Variants in ASIC4 observed in about 807,000 individuals in gnomAD.
ASIC4 encodes the protein acid sensing ion channel subunit family member 4.
Under a neutral mutation model 53.4 loss-of-function variants are expected in ASIC4, and 28 were observed. The observed-to-expected ratio is 0.52, with a 90% CI of 0.39 to 0.72. The LOEUF (loss-of-function observed/expected upper bound fraction) is 0.72, where lower values mean the gene tolerates loss of function less well. Ranked by LOEUF, ASIC4 falls within the 30% of genes least tolerant of loss-of-function variation. The pLI, the probability that ASIC4 is intolerant of heterozygous loss-of-function variation, is 0.00. For missense variants in ASIC4, 649 were observed against 729.7 expected (o/e 0.89, Z 1.27); for synonymous variants, 289 against 301.4 (o/e 0.96, Z 0.43).
At chr2:219,509,851 A>C (rs928587802), upstream of ASIC4, among the ~76,000 whole-genome samples, 2 of 151,924 alleles carry the variant, frequency 1.3e-5, no homozygotes, top group African/African-American at 4.8e-5. The surrounding 1 kb of genome is among the most constrained non-coding windows in gnomAD (Gnocchi z 5.2). Context: ...TCCACTGGCC[A>C]CCTCAAGGGG....
At chr2:219,527,461 C>T (rs777387281) in intron 1 of ASIC4, among the ~76,000 whole-genome samples, 20 of 152,174 alleles carry the variant, frequency 1.3e-4, no homozygotes, top group Non-Finnish European at 2.2e-4. Context: ...AGGGTGGGCT[C>T]GGTTCCATGT....
upstream of ASIC4, chr2:219,514,360 C>G: frequency 6.5e-7 from 1 of 1,547,164 alleles, no homozygotes; most frequent in East Asian, 2.4e-5. Flanking sequence ...AGCGGAGCGG[C>G]TGGGGCTGCG....
intron 1 of ASIC4, among the ~76,000 whole-genome samples, chr2:219,525,978 A>C (rs1393274649): frequency 6.6e-6 from 1 of 152,182 alleles, no homozygotes. Flanking sequence ...GCCCAGGCCG[A>C]AGATTAGCTC....
chr2:219,508,806 T>C, the ASIC4 span, among the ~76,000 whole-genome samples: 161 of 11,668 alleles, frequency 0.014, no homozygotes, highest in African/African-American at 0.051. Context: ...GGGTGGGAAG[T>C]GGGGGATGAG....
chr2:219,509,670 G>C (rs1694674688), upstream of ASIC4, among the ~76,000 whole-genome samples: 3 of 152,198 alleles, frequency 2.0e-5, no homozygotes, highest in Non-Finnish European at 2.9e-5. This position sits in a 1 kb window ranked among gnomAD's most constrained non-coding sequence, Gnocchi z 5.2. Context: ...AGGAGGGCAG[G>C]GGGTGGTGAG....
rs1428354384 is a variant in ASIC4, at chr2:219,537,802, G to T, written c.1506+66G>T. ...CTCCCCAGGACTGAATACATCCATT[G>T]TTTCTGAACCAGCCTGTGGAGGGGG... is the stretch of plus-strand genomic sequence containing the variant. On this transcript the variant is annotated intron_variant, in intron 9 of 9. Transcript: ENST00000358078. This position sits in a 1 kb window ranked among gnomAD's most constrained non-coding sequence, Gnocchi z 4.9. The T allele has an allele frequency of 1.5e-5, 23 of 1,542,420 alleles. No homozygotes were observed. Among genetic ancestry groups the T allele is most frequent in the Non-Finnish European group, 1.7e-5 (19 of 1,132,688 alleles).
chr2:219,522,394 G>A (rs1242514492), intron 1 of ASIC4, among the ~76,000 whole-genome samples: 1 of 151,336 alleles, frequency 6.6e-6, no homozygotes, highest in Non-Finnish European at 1.5e-5. Context: ...GGAGGGTGGG[G>A]TGGGGGCTGG....
chr2:219,525,650 G>A lies in ASIC4; in HGVS notation c.583-6108G>A, dbSNP rs2069322. Among the ~76,000 whole-genome samples the A allele has an allele frequency of 7.5e-3, 1,137 of 152,314 alleles. 20 individuals carry two copies. Among genetic ancestry groups the A allele is most frequent in the African/African-American group, 0.025 (1,057 of 41,552 alleles). ...TGGTTGGTGCCATCTTCCTTCCTCT[G>A]CACCTGGAAAGGATAGGGAAGGAAG... On this transcript the variant is annotated intron_variant, in intron 1 of 9. Coordinates refer to ENST00000358078, the MANE Select transcript of ASIC4 (RefSeq NM_018674.6).
chr2:219,514,400 GCTCA>G (rs773444387), upstream of ASIC4: 776 of 1,548,412 alleles, frequency 5.0e-4, 1 homozygote, highest in Admixed American at 1.1e-3. Context: ...TCGCTCCCTC[GCTCA>G]CTCGCTCGCT....
At chr2:219,511,764 G>C (rs749484891), upstream of ASIC4, among the ~76,000 whole-genome samples, 127 of 152,188 alleles carry the variant, frequency 8.3e-4, no homozygotes, top group South Asian at 1.5e-3. The surrounding 1 kb of genome is among the most constrained non-coding windows in gnomAD (Gnocchi z 5.3). Flanking sequence ...GGGCCGGGGT[G>C]GGGGTGGGGA....
chr2:219,528,246 C>T (rs1694988593), intron 1 of ASIC4, among the ~76,000 whole-genome samples: 1 of 152,204 alleles, frequency 6.6e-6, no homozygotes, highest in Admixed American at 6.5e-5. Context: ...TTTTTTGAGA[C>T]AGAGTCCTGC....
chr2:219,531,914 G>A lies in ASIC4; in HGVS notation c.727+12G>A, dbSNP rs372516154. 3.5e-5 allele frequency: 57 copies of A among 1,610,938 alleles called. No homozygotes were observed. Among genetic ancestry groups the A allele is most frequent in the African/African-American group, 4.0e-5 (3 of 74,892 alleles). On this transcript the variant is annotated intron_variant, in intron 2 of 9. Coordinates refer to ENST00000358078, the MANE Select transcript of ASIC4 (RefSeq NM_018674.6). ...CTGGAGGGAGACAAGTACGCAGGCC[G>A]GAAAGGGACAAGGGCCACCTTGGGG...
chr2:219,521,341 G>A (rs1245550491), intron 1 of ASIC4, among the ~76,000 whole-genome samples: 2 of 152,234 alleles, frequency 1.3e-5, no homozygotes, highest in Non-Finnish European at 2.9e-5. Flanking sequence ...GGAAGATGCT[G>A]ATTAGCGTTT....
At position 219,518,937 on chromosome 2, in the gene ASIC4, G is replaced by C. The variant is rs970003476; in HGVS notation, c.582+3631G>C. On this transcript the variant is annotated intron_variant, in intron 1 of 9. Transcript: ENST00000358078. This position sits in a 1 kb window ranked among gnomAD's most constrained non-coding sequence, Gnocchi z 4.8. Reference sequence around the variant, plus strand: ...GTTTGTTTTTTTGAGACAGAGTCTCGTTGTTGCCCAGGCTGGAGTGCAGCG... The same window carrying C: ...GTTTGTTTTTTTGAGACAGAGTCTCCTTGTTGCCCAGGCTGGAGTGCAGCG... 6.6e-6 allele frequency among the ~76,000 whole-genome samples: 1 copy of C among 152,110 alleles called. No individual in the cohort carries two copies. The highest frequency in any genetic ancestry group is 6.6e-5 in the Admixed American group (1 of 15,264).
At chr2:219,527,587 A>AT (rs1694980338) in intron 1 of ASIC4, among the ~76,000 whole-genome samples, 1 of 152,138 alleles carries the variant, frequency 6.6e-6, no homozygotes, top group Non-Finnish European at 1.5e-5. Flanking sequence ...CAGGTGTTCT[A>AT]TAAGCACCTA....
intron 5 of ASIC4, chr2:219,533,667 A>G (rs1415533687): frequency 6.5e-6 from 1 of 153,454 alleles, no homozygotes; most frequent in Non-Finnish European, 1.5e-5. Context: ...GGCCAGAAAG[A>G]GCATGCTGTG....
the ASIC4 span, among the ~76,000 whole-genome samples, chr2:219,508,167 T>G: frequency 8.5e-5 from 13 of 152,236 alleles, 1 homozygote; most frequent in Middle Eastern, 0.014. Flanking sequence ...GTCCCCACTC[T>G]GGGCTGGGGT....
chr2:219,537,826 GGCCCTGGAGCCTCT>G lies in ASIC4; in HGVS notation c.1506+95_1507-89del. ...TGTTTCTGAACCAGCCTGTGGAGGG[GGCCCTGGAGCCTCT>G]GCCCGAGGTGACAAGGAAAGGCTGG... On this transcript the variant is annotated intron_variant, in intron 9 of 9. Transcript: ENST00000358078. The surrounding 1 kb of genome is among the most constrained non-coding windows in gnomAD (Gnocchi z 4.9). The G allele has an allele frequency of 6.6e-7, 1 of 1,509,980 alleles. No individual in the cohort carries two copies. Among genetic ancestry groups the G allele is most frequent in the Non-Finnish European group, 9.0e-7 (1 of 1,105,704 alleles). 93.5% of individuals were successfully genotyped at this position (1,509,980 alleles called of 1,614,324 possible).
At position 219,517,993 on chromosome 2, in the gene ASIC4, C is replaced by T. The variant is rs1264997579; in HGVS notation, c.582+2687C>T. Among the ~76,000 whole-genome samples, 2 of 152,156 alleles carry T rather than the reference C, an allele frequency of 1.3e-5. No individual in the cohort carries two copies. Among genetic ancestry groups the T allele is most frequent in the South Asian group, 2.1e-4 (1 of 4,832 alleles). On this transcript the variant is annotated intron_variant, in intron 1 of 9. Transcript: ENST00000358078. The surrounding 1 kb of genome is among the most constrained non-coding windows in gnomAD (Gnocchi z 4.2). ...ATTTTTACTCCGGGTAATGTGCCCT[C>T]CCCCAGTCCCCTCTGCTGCTGCTCT...
Sources: allele counts gnomAD v4.1 joint callset (sites outside exome capture counted in the v4.1 genomes callset), GRCh38; gene constraint gnomAD v4.1.1; non-coding constraint Gnocchi (gnomAD v3.1); transcripts MANE v1.5; gene names NCBI Gene and HGNC (gene_info 2026-07-23, HGNC 2026-07-21).